CREBBP: variants seen among roughly 807,000 people sequenced by gnomAD.
CREBBP encodes the protein CREB binding lysine acetyltransferase.
Under a neutral mutation model 265.0 loss-of-function variants are expected in CREBBP, and 19 were observed. The observed-to-expected ratio is 0.07, with a 90% confidence interval of 0.05 to 0.11. CREBBP has a LOEUF of 0.11. Among genes scored for constraint, CREBBP ranks in the 10% least tolerant of loss-of-function variants. The pLI is 1.00. For synonymous variants in CREBBP, 1,457 were observed against 1,223.7 expected (o/e 1.19, Z -3.98); for missense variants, 2,525 against 3,219.0 (o/e 0.78, Z 5.22).
At chr16:3,777,811 C>A in intron 10 of CREBBP, 154 bp from the exon 11 acceptor site, 2 of 1,089,626 alleles carry the variant, frequency 1.8e-6, no homozygotes, top group East Asian at 2.5e-5. Flanking sequence ...GCCAGCGCAC[C>A]CTGTAAAGGG....
At chr16:3,861,211 G>A (rs188017041) in intron 1 of CREBBP, among the ~76,000 whole-genome samples, 13 of 152,316 alleles carry the variant, frequency 8.5e-5, no homozygotes, top group African/African-American at 2.9e-4. Context: ...GGAGGTTGCA[G>A]TGAGCCGAGA....
chr16:3,798,344 T>C (rs1318320376), intron 3 of CREBBP, among the ~76,000 whole-genome samples: 1 of 152,188 alleles, frequency 6.6e-6, no homozygotes, highest in Admixed American at 6.5e-5. Context: ...AATTAAACTT[T>C]TATGCTTCAA....
intron 23 of CREBBP, 91 bp from the exon 24 acceptor site, chr16:3,740,640 C>A: frequency 7.0e-7 from 1 of 1,437,402 alleles, no homozygotes; most frequent in Non-Finnish European, 9.8e-7. Context: ...CTTTGCAGCA[C>A]AGGCTGATAT....
chr16:3,812,696 A>C (rs921378323), intron 2 of CREBBP, among the ~76,000 whole-genome samples: 3 of 152,118 alleles, frequency 2.0e-5, no homozygotes, highest in African/African-American at 7.2e-5. Context: ...CCATGGCAAT[A>C]TCCCAGTGCT....
rs1006873808 is a variant in CREBBP at position 3,746,584 on chromosome 16, T to C, written c.3837-1230A>G. On this transcript the variant is annotated intron_variant, in intron 21 of 30. Transcript: ENST00000262367. The stretch of plus-strand genomic sequence containing the variant: ...TGGGGCCAAGAACTTCCTCAATTCC[T>C]GTGCCGTCTCCAAAGGTCCCCTGCT... 5.9e-5 allele frequency among the ~76,000 whole-genome samples: 9 copies of C among 152,316 alleles called. No homozygotes were observed. The South Asian group carries it at 1.9e-3, about 32-fold the overall frequency.
rs2052939438 is a variant in CREBBP at position 3,769,273 on chromosome 16, C to G, written c.2961G>C (p.Gln987His). 1 of 1,614,150 alleles carries G rather than the reference C, an allele frequency of 6.2e-7. No homozygotes were observed. The highest frequency in any genetic ancestry group is 8.5e-7 in the Non-Finnish European group (1 of 1,180,030). ...SVASAETNSQ[Q>H]PGPDVPVLEM... ...CCAGCACAGGTACGTCAGGTCCTGG[C>G]TGCTGGGAATTGGTTTCTGCGCTGG... Residue 987 changes from glutamine (Q) to histidine (H), a missense_variant, in exon 15 of 31, where the codon CAG becomes CAC. Physicochemically the swap from Gln to His is conservative, Grantham distance 24. Coordinates refer to ENST00000262367, the MANE Select transcript of CREBBP (RefSeq NM_004380.3).
At chr16:3,756,899 G>A (rs1392300803) in intron 19 of CREBBP, among the ~76,000 whole-genome samples, 1 of 152,118 alleles carries the variant, frequency 6.6e-6, no homozygotes, top group African/African-American at 2.4e-5. Context: ...AAGAAATAAC[G>A]TACCTAATCC....
intron 13 of CREBBP, among the ~76,000 whole-genome samples, chr16:3,771,575 T>G (rs185005752): frequency 6.6e-6 from 1 of 152,152 alleles, no homozygotes; most frequent in African/African-American, 2.4e-5. Context: ...CTCGGATACA[T>G]TCCAAGACCC....
intron 28 of CREBBP, 92 bp downstream of exon 28, chr16:3,735,944 A>C (rs1220923652): frequency 3.1e-6 from 5 of 1,606,554 alleles, no homozygotes; most frequent in Non-Finnish European, 4.3e-6. Context: ...CCACCACAGG[A>C]AGGACCTAAC....
rs1294890894 is a variant in CREBBP at position 3,736,124 on chromosome 16, T to C, written c.4640A>G (p.Asn1547Ser). Residue 1547 changes from asparagine to serine, a missense_variant, in exon 28 of 31, where the codon AAT (asparagine) becomes AGT (serine). Around this residue, in one of 19 missense-constraint regions of CREBBP, gnomAD observed 93 missense variants for 161.5 expected, o/e 0.58. Transcript: ENST00000262367. ...LPYFEGDFWP[N>S]VLEESIKELE... is the part of the protein sequence containing the mutation. ...TTCCTTAATGCTCTCTTCTAACACA[T>C]TGGGCCAGAAATCACCTTCAAAATA... The C allele has an allele frequency of 5.0e-6, 8 of 1,614,208 alleles. No individual in the cohort carries two copies. The highest frequency in any genetic ancestry group is 6.8e-6 in the Non-Finnish European group (8 of 1,180,022).
chr16:3,771,331 A>T (rs945438661), intron 13 of CREBBP, among the ~76,000 whole-genome samples: 14 of 152,146 alleles, frequency 9.2e-5, no homozygotes, highest in Middle Eastern at 3.4e-3. Flanking sequence ...GGCCTTCCAA[A>T]GTGCTGGGAT....
At chr16:3,814,221 G>C (rs1186510593) in intron 2 of CREBBP, among the ~76,000 whole-genome samples, 6 of 15,234 alleles carry the variant, frequency 3.9e-4, no homozygotes, top group Admixed American at 7.4e-4. Flanking sequence ...CGTTCTGTGT[G>C]TGTGTGTGTG....
chr16:3,879,970 C>T lies in CREBBP; in HGVS notation c.-54G>A, dbSNP rs2055493587. On this transcript the variant is annotated 5_prime_UTR_variant, in exon 1 of 31. Transcript: ENST00000262367. The stretch of plus-strand genomic sequence containing the variant: ...GCACGGGCGGCCGGGCCGGCGAGGG[C>T]CCGGACGGGGGTCGGGGGCCCTGCC... The T allele has an allele frequency of 6.5e-7, 1 of 1,546,816 alleles. No homozygotes were observed. Among genetic ancestry groups the T allele is most frequent in the Non-Finnish European group, 8.8e-7 (1 of 1,137,542 alleles).
At chr16:3,849,515 G>C (rs2054780331) in intron 2 of CREBBP, among the ~76,000 whole-genome samples, 1 of 132,886 alleles carries the variant, frequency 7.5e-6, no homozygotes, top group African/African-American at 2.9e-5. Context: ...GAGCCACCTG[G>C]AGGCTGCTGC....
intron 26 of CREBBP, among the ~76,000 whole-genome samples, chr16:3,737,297 G>C (rs986782384): frequency 6.7e-6 from 1 of 150,370 alleles, no homozygotes; most frequent in East Asian, 2.0e-4. Context: ...CCAAGGGCTA[G>C]AGAAGGAAGC....
In CREBBP at chr16:3,776,038, T is replaced by C. The variant is rs138938870; in HGVS notation, c.2159-1345A>G. Among the ~76,000 whole-genome samples, 1,272 of 152,256 alleles carry C rather than the reference T, an allele frequency of 8.4e-3. 26 individuals are homozygous for C. Among genetic ancestry groups the C allele is most frequent in the African/African-American group, 0.029 (1,202 of 41,534 alleles). On this transcript the variant is annotated intron_variant, in intron 11 of 30. Transcript: ENST00000262367. ...TTCAAGCAATTCTCCTGCCTCAGCC[T>C]CCCGCGTAGCTGGGATTACAGGTGT...
At chr16:3,810,987 TAGACG>T (rs1419286084) in intron 2 of CREBBP, among the ~76,000 whole-genome samples, 4 of 151,882 alleles carry the variant, frequency 2.6e-5, no homozygotes, top group Admixed American at 1.3e-4. Context: ...ATCCCGCAAG[TAGACG>T]AGCTGTTTCC....
Position 3,773,847 on chromosome 16 carries a change from AGCGGGC to A in CREBBP, c.2361_2366del (p.Pro788_Ala789del), listed in dbSNP as rs1567301967. On this transcript the variant is annotated inframe_deletion, in exon 13 of 31. Coordinates refer to ENST00000262367, the MANE Select transcript of CREBBP (RefSeq NM_004380.3). ...GGTTCTGTGGCAGAAACTGGCTCTG[AGCGGGC>A]GCCTGGGCCATCATGTTGTTGGTGT... 1 of 1,612,586 alleles carries A rather than the reference AGCGGGC, an allele frequency of 6.2e-7. No homozygotes were observed. Among genetic ancestry groups the A allele is most frequent in the Admixed American group, 1.7e-5 (1 of 60,028 alleles).
chr16:3,778,854 T>C lies in CREBBP; in HGVS notation c.1824-37A>G, dbSNP rs866727636. On this transcript the variant is annotated intron_variant, in intron 8 of 30. Coordinates refer to ENST00000262367, the MANE Select transcript of CREBBP (RefSeq NM_004380.3). Reference sequence around the variant, plus strand: ...ACACATCTATCAAACTACTTTTTTTTTTCTTCTTTTTTTTAAAGACATGGG... The same window carrying C: ...ACACATCTATCAAACTACTTTTTTTCTTCTTCTTTTTTTTAAAGACATGGG... 2.5e-6 allele frequency: 4 copies of C among 1,586,998 alleles called. No individual in the cohort carries two copies. The South Asian group carries it at 3.3e-5, about 13-fold the overall frequency.
Sources: allele counts gnomAD v4.1 joint callset (sites outside exome capture counted in the v4.1 genomes callset), GRCh38; gene constraint gnomAD v4.1.1; regional missense constraint gnomAD v4.1.1; transcripts MANE v1.5; gene names NCBI Gene and HGNC (gene_info 2026-07-23, HGNC 2026-07-21).